DECR1: variants seen among roughly 807,000 people sequenced by gnomAD.
DECR1 encodes 2,4-dienoyl-CoA reductase 1.
Under a neutral mutation model 38.8 loss-of-function variants are expected in DECR1, and 44 were observed. The observed-to-expected ratio is 1.13, with a 90% CI of 0.89 to 1.46. The LOEUF is 1.46. Ranked by LOEUF, DECR1 falls within the 40% of genes most tolerant of loss-of-function variation. The pLI is 0.00. For synonymous variants in DECR1, 148 were observed against 135.2 expected, an observed-to-expected ratio of 1.09 and a Z score of -0.66; for missense variants, 428 against 405.5, an observed-to-expected ratio of 1.06 and a Z score of -0.48.
chr8:90,017,400 GT>G, intron 2 of DECR1, 74 bp downstream of exon 2: 1 of 1,107,352 alleles, frequency 9.0e-7, no homozygotes, highest in Non-Finnish European at 1.3e-6. Context: ...TGAAAACACT[GT>G]TCGCCAGAGT....
intron 5 of DECR1, among the ~76,000 whole-genome samples, chr8:90,021,841 T>G (rs1381122959): frequency 6.6e-6 from 1 of 152,204 alleles, no homozygotes; most frequent in Non-Finnish European, 1.5e-5. Context: ...AAAATAGATT[T>G]AGAAAGAACT....
At chr8:90,002,257 A>G (rs1479328330) in intron 1 of DECR1, among the ~76,000 whole-genome samples, 4 of 152,218 alleles carry the variant, frequency 2.6e-5, no homozygotes, top group Non-Finnish European at 5.9e-5. Flanking sequence ...AAGTCCATCT[A>G]TGTGTTAGTT....
chr8:90,006,181 A>G, intron 1 of DECR1: 1 of 703,872 alleles, frequency 1.4e-6, no homozygotes, highest in Non-Finnish European at 2.6e-6. Context: ...CAGGTTGACT[A>G]AGGGGACAGA....
Position 90,049,653 on chromosome 8 carries a change from C to A in DECR1, c.886-2024C>A, listed in dbSNP as rs1036571705. On this transcript the variant is annotated intron_variant, in intron 8 of 9. Coordinates refer to ENST00000220764, the MANE Select transcript of DECR1 (RefSeq NM_001359.2). ...TCCCCATCAAGCTACCAATGACTTTCTTCACAGAATTGGAAAAAACTACTT... is the reference window on the plus strand; with the variant it reads ...TCCCCATCAAGCTACCAATGACTTTATTCACAGAATTGGAAAAAACTACTT... Among the ~76,000 whole-genome samples the A allele has an allele frequency of 1.2e-4, 19 of 152,302 alleles. 1 individual carries two copies. In the East Asian group the frequency reaches 3.1e-3, roughly 25 times the overall value.
intron 8 of DECR1, among the ~76,000 whole-genome samples, chr8:90,049,206 G>T (rs1019414540): frequency 6.6e-6 from 1 of 152,076 alleles, no homozygotes; most frequent in Non-Finnish European, 1.5e-5. Flanking sequence ...ATAAATAAAG[G>T]GTATTCAATT....
chr8:90,028,336 T>C (rs1813407482), intron 5 of DECR1, among the ~76,000 whole-genome samples: 1 of 152,190 alleles, frequency 6.6e-6, no homozygotes, highest in South Asian at 2.1e-4. Flanking sequence ...TATTATTGTC[T>C]TAAAATTACA....
At chr8:90,013,429 G>A (rs1381305867) in intron 1 of DECR1, among the ~76,000 whole-genome samples, 1 of 80,504 alleles carries the variant, frequency 1.2e-5, no homozygotes, top group African/African-American at 5.0e-5. Flanking sequence ...TTTTGTATTG[G>A]TTTCTTGTGT....
At chr8:90,008,575 G>A (rs1471042659) in intron 1 of DECR1, among the ~76,000 whole-genome samples, 2 of 152,140 alleles carry the variant, frequency 1.3e-5, no homozygotes, top group African/African-American at 4.8e-5. Context: ...TTTATATGCT[G>A]TTAATGAAAC....
At chr8:90,005,337 C>G (rs182616707) in intron 1 of DECR1, 21 of 456,266 alleles carry the variant, frequency 4.6e-5, no homozygotes, top group Non-Finnish European at 7.9e-5. Context: ...CTGATTCCTG[C>G]TGTCAAGAAG....
rs1386581885 is a variant in DECR1 at position 90,006,238 on chromosome 8, G to A, written c.69+4677G>A. Reference sequence around the variant, plus strand: ...CCTGAACTTCTCACAGTAGGGAGATGTCAGGACTGGGGAAGAAGCATCTCC... The same window carrying A: ...CCTGAACTTCTCACAGTAGGGAGATATCAGGACTGGGGAAGAAGCATCTCC... On this transcript the variant is annotated intron_variant, in intron 1 of 9. Coordinates refer to ENST00000220764, the MANE Select transcript of DECR1 (RefSeq NM_001359.2). 4.3e-6 allele frequency: 3 copies of A among 704,016 alleles called. No homozygotes were observed. In the African/African-American group the frequency reaches 5.2e-5, roughly 12 times the overall value. The allele number at this position is 704,016 out of a possible 1,614,324, so 43.6% of individuals were successfully genotyped here.
At chr8:90,035,655 CTT>C (rs1296060450) in intron 5 of DECR1, among the ~76,000 whole-genome samples, 1 of 151,922 alleles carries the variant, frequency 6.6e-6, no homozygotes, top group Non-Finnish European at 1.5e-5. Context: ...TTCTGGGACT[CTT>C]TGTCTATTAA....
At chr8:90,017,077 T>C (rs1813025939) in intron 1 of DECR1, 47 bp from the exon 2 acceptor site, 1 of 1,403,894 alleles carries the variant, frequency 7.1e-7, no homozygotes, top group Non-Finnish European at 9.9e-7. Context: ...TTCATCTGTT[T>C]TTTGGAAATA....
In DECR1 at chr8:90,042,742, A is replaced by T; in HGVS notation, c.680A>T (p.Glu227Val). Reference protein sequence around the residue: ...VEAMSKSLAAEWGKYGMRFNV... With the variant: ...VEAMSKSLAAVWGKYGMRFNV... ...TTAATTTTTAGGTCTCTTGCAGCTG[A>T]ATGGGGTAAATATGGAATGCGATTC... Residue 227 changes from glutamate to valine, a missense_variant, in exon 7 of 10, where the codon GAA becomes GTA. Glu to Val is a moderately radical substitution (Grantham distance 121, BLOSUM62 -2). Coordinates refer to ENST00000220764, the MANE Select transcript of DECR1 (RefSeq NM_001359.2). 1.2e-6 allele frequency: 2 copies of T among 1,613,456 alleles called. No homozygotes were observed. Among genetic ancestry groups the T allele is most frequent in the Non-Finnish European group, 1.7e-6 (2 of 1,179,552 alleles).
At chr8:90,023,258 G>A (rs1813210919) in intron 5 of DECR1, among the ~76,000 whole-genome samples, 1 of 152,146 alleles carries the variant, frequency 6.6e-6, no homozygotes, top group South Asian at 2.1e-4. Flanking sequence ...TGGTGCTATT[G>A]CAAATGGCAC....
intron 1 of DECR1, among the ~76,000 whole-genome samples, chr8:90,011,745 T>G (rs1812887473): frequency 6.6e-6 from 1 of 152,228 alleles, no homozygotes; most frequent in African/African-American, 2.4e-5. Context: ...TTAATGTATA[T>G]CTTTGATCAT....
At chr8:90,003,893 C>T (rs1329816008) in intron 1 of DECR1, among the ~76,000 whole-genome samples, 2 of 151,650 alleles carry the variant, frequency 1.3e-5, no homozygotes, top group Non-Finnish European at 2.9e-5. Flanking sequence ...GAGCTGAGGT[C>T]GCGCCACTGT....
At chr8:90,015,914 A>T (rs979738563) in intron 1 of DECR1, among the ~76,000 whole-genome samples, 1 of 152,212 alleles carries the variant, frequency 6.6e-6, no homozygotes, top group African/African-American at 2.4e-5. Flanking sequence ...TAAAACTAAT[A>T]CCTATTTCAT....
At chr8:90,051,481 T>C (rs1305215546) in intron 8 of DECR1, among the ~76,000 whole-genome samples, 196 bp from the exon 9 acceptor site, 3 of 152,138 alleles carry the variant, frequency 2.0e-5, no homozygotes, top group African/African-American at 7.2e-5. Context: ...ATATTTGAAA[T>C]TGTGGAGATG....
chr8:90,027,029 G>C (rs1034936196), intron 5 of DECR1, among the ~76,000 whole-genome samples: 1 of 152,230 alleles, frequency 6.6e-6, no homozygotes, highest in African/African-American at 2.4e-5. Context: ...TAGTTGAGCG[G>C]TTTTGAGTGA....
Sources: allele counts gnomAD v4.1 joint callset (sites outside exome capture counted in the v4.1 genomes callset), GRCh38; gene constraint gnomAD v4.1.1; transcripts MANE v1.5; gene names NCBI Gene and HGNC (gene_info 2026-07-23, HGNC 2026-07-21).